The following CBR4 variants were observed in gnomAD, a reference collection of about 807,000 sequenced individuals.
The protein encoded by CBR4 is carbonyl reductase 4, also known as 3-oxoacyl-[acyl-carrier-protein] reductase.
Under a neutral mutation model 21.0 loss-of-function variants are expected in CBR4, and 22 were observed. The ratio of observed to expected loss-of-function variants is 1.05; its 90% CI spans 0.75 to 1.50. The LOEUF is 1.50. Among genes scored for constraint, CBR4 ranks in the 40% most tolerant of loss-of-function variants. The pLI is 0.00. For synonymous variants in CBR4, 100 were observed against 104.4 expected (o/e 0.96, Z 0.26); for missense variants, 302 against 286.3 (o/e 1.05, Z -0.40).
At chr4:168,944,302 A>C (rs769561418) in intron 2 of CBR4, among the ~76,000 whole-genome samples, 1 of 151,356 alleles carries the variant, frequency 6.6e-6, no homozygotes, top group Non-Finnish European at 1.5e-5. Context: ...AAATAAATAA[A>C]ATAAAATAAA....
intron 2 of CBR4, among the ~76,000 whole-genome samples, chr4:168,965,370 T>G (rs1283602042): frequency 6.6e-6 from 1 of 152,186 alleles, no homozygotes; most frequent in Non-Finnish European, 1.5e-5. Context: ...AAGCTACCAC[T>G]GACTTACTTC....
chr4:168,934,331 GGAAA>G (rs1763052287), intron 2 of CBR4, among the ~76,000 whole-genome samples: 1 of 98,732 alleles, frequency 1.0e-5, no homozygotes, highest in Non-Finnish European at 2.3e-5. Flanking sequence ...ATTAGCAGAA[GGAAA>G]GAAATAATAA....
Position 169,010,143 on chromosome 4 carries a change from G to C in CBR4, c.-54C>G. 1 of 1,448,858 alleles carries C rather than the reference G, an allele frequency of 6.9e-7. No homozygotes were observed. The highest frequency in any genetic ancestry group is 9.2e-7 in the Non-Finnish European group (1 of 1,083,046). 89.8% of individuals were successfully genotyped at this position (1,448,858 alleles called of 1,614,324 possible). Reference sequence around the variant, plus strand: ...GGTAGGGAGTGGGAGCCCCTCTCCAGGTTCCCTCAGGCTTTTAAACAACCG... The same window carrying C: ...GGTAGGGAGTGGGAGCCCCTCTCCACGTTCCCTCAGGCTTTTAAACAACCG... On this transcript the variant is annotated 5_prime_UTR_variant, in exon 1 of 5. Transcript: ENST00000306193.
intron 2 of CBR4, among the ~76,000 whole-genome samples, chr4:168,964,064 T>G (rs1178092573): frequency 6.6e-6 from 1 of 152,144 alleles, no homozygotes; most frequent in Non-Finnish European, 1.5e-5. Flanking sequence ...GCTAAATGCA[T>G]AAATGGCATC....
At chr4:168,990,530 G>A (rs1764866772) in intron 4 of CBR4, among the ~76,000 whole-genome samples, 1 of 151,968 alleles carries the variant, frequency 6.6e-6, no homozygotes, top group African/African-American at 2.4e-5. Context: ...TGGACCTCTG[G>A]GGCACAGGTG....
At chr4:168,980,415 C>A (rs180867709) in intron 2 of CBR4, among the ~76,000 whole-genome samples, 2 of 152,320 alleles carry the variant, frequency 1.3e-5, no homozygotes, top group Non-Finnish European at 2.9e-5. Flanking sequence ...TGCTAATATA[C>A]CGCCTATGAA....
chr4:168,992,958 A>C (rs995545101), intron 4 of CBR4, among the ~76,000 whole-genome samples: 1 of 152,226 alleles, frequency 6.6e-6, no homozygotes, highest in Non-Finnish European at 1.5e-5. Context: ...TTATTTTAAA[A>C]GTCAGCAATA....
At chr4:168,972,708 G>A (rs147523251) in intron 2 of CBR4, among the ~76,000 whole-genome samples, 43 of 152,164 alleles carry the variant, frequency 2.8e-4, no homozygotes, top group African/African-American at 9.4e-4. Flanking sequence ...CTAGGTATAC[G>A]ATCATATCAT....
At chr4:168,897,913 A>G (rs1755575232) in intron 2 of CBR4, 1 of 152,356 alleles carries the variant, frequency 6.6e-6, no homozygotes, top group Admixed American at 6.5e-5. Context: ...AGAGCTGAGG[A>G]GGCGGCCCTT....
intron 2 of CBR4, chr4:168,915,786 T>C: frequency 2.4e-6 from 2 of 832,646 alleles, no homozygotes; most frequent in South Asian, 2.9e-5. Flanking sequence ...AGGGATCAGA[T>C]AAGGAAATCA....
At position 168,956,597 on chromosome 4, in the gene CBR4, C is replaced by CAAA. The variant is rs59962690; in HGVS notation, n.169+45471_169+45473dup. On this transcript the variant is annotated intron_variant and non_coding_transcript_variant, in intron 2 of 3. Transcript: ENST00000509108. ...TGGGCGACACAGCCAGACCCTGTCT[C>CAAA]AAAAAAAAAAAAAAAAAAAAAAAAA... is the stretch of plus-strand genomic sequence containing the variant. Among the ~76,000 whole-genome samples the CAAA allele has an allele frequency of 2.8e-3, 84 of 29,706 alleles. 6 individuals carry two copies. The highest frequency in any genetic ancestry group is 3.9e-3 in the Non-Finnish European group (62 of 15,978). 19.5% of individuals were successfully genotyped at this position (29,706 alleles called of 152,430 possible).
At chr4:168,940,686 CTCA>C (rs1763239224) in intron 2 of CBR4, among the ~76,000 whole-genome samples, 1 of 152,130 alleles carries the variant, frequency 6.6e-6, no homozygotes, top group Non-Finnish European at 1.5e-5. Context: ...TGTAAAAAAG[CTCA>C]TCATCACTGG....
chr4:168,994,195 C>A (rs1765067099), intron 4 of CBR4, among the ~76,000 whole-genome samples: 1 of 152,160 alleles, frequency 6.6e-6, no homozygotes, highest in Admixed American at 6.5e-5. Context: ...TTACGGGAAA[C>A]AAAGGGATGG....
chr4:168,990,010 T>C lies in CBR4; in HGVS notation c.*140A>G. 1 of 1,282,042 alleles carries C rather than the reference T, an allele frequency of 7.8e-7. No individual in the cohort carries two copies. Among genetic ancestry groups the C allele is most frequent in the Non-Finnish European group, 9.9e-7 (1 of 1,009,800 alleles). The allele number at this position is 1,282,042 out of a possible 1,614,324, so 79.4% of individuals were successfully genotyped here. ...TCACACATTGTTCTTTTGAGACATA[T>C]TTTTATAAAGACAGAAATTAACATT... On this transcript the variant is annotated 3_prime_UTR_variant, in exon 5 of 5. Transcript: ENST00000306193.
At chr4:168,925,277 A>G (rs776938487) in intron 2 of CBR4, 1 of 1,602,274 alleles carries the variant, frequency 6.2e-7, no homozygotes. Flanking sequence ...ACAAATACCC[A>G]AGTATCATTC....
chr4:168,941,330 T>A (rs188575384), intron 2 of CBR4, among the ~76,000 whole-genome samples: 308 of 152,178 alleles, frequency 2.0e-3, no homozygotes, highest in Middle Eastern at 6.8e-3. Context: ...AATAAAAAAA[T>A]TTTTTTAAAA....
intron 4 of CBR4, 46 bp downstream of exon 4, chr4:169,002,025 A>C: frequency 6.9e-7 from 1 of 1,451,458 alleles, no homozygotes; most frequent in Non-Finnish European, 9.3e-7. Flanking sequence ...GCTTCCCTAT[A>C]AAACAATAAT....
At chr4:168,967,344 CG>C (rs1245699440) in intron 2 of CBR4, among the ~76,000 whole-genome samples, 4 of 151,202 alleles carry the variant, frequency 2.6e-5, no homozygotes, top group African/African-American at 7.3e-5. Context: ...CATTACACAT[CG>C]GGGCCTGTCA....
intron 2 of CBR4, chr4:168,926,454 A>G (rs1762590470): frequency 2.6e-6 from 3 of 1,132,778 alleles, no homozygotes; most frequent in African/African-American, 3.1e-5. Context: ...CCTTTGTCAC[A>G]TTATGTAAAA....
Sources: gnomAD v4.1 joint callset for allele counts (sites outside exome capture counted in the v4.1 genomes callset) on GRCh38, gnomAD v4.1.1 for gene constraint, MANE v1.5 for transcripts, NCBI Gene and HGNC (gene_info 2026-07-23, HGNC 2026-07-21) for gene names.